The following TAFA1 variants were observed in gnomAD, a reference collection of about 807,000 sequenced individuals.
TAFA1 encodes TAFA chemokine like family member 1, also known as chemokine-like protein TAFA-1.
TAFA1 carries 4 observed loss-of-function variants against 18.5 expected under a neutral mutation model. The observed-to-expected ratio is 0.22, with a 90% CI of 0.11 to 0.49. The LOEUF (loss-of-function observed/expected upper bound fraction) is 0.49, where lower values mean the gene tolerates loss of function less well. Among genes scored for constraint, TAFA1 ranks in the 20% least tolerant of loss-of-function variants. TAFA1 has a pLI of 0.98. For synonymous variants in TAFA1, 56 were observed against 55.2 expected, an observed-to-expected ratio of 1.01 and a Z score of -0.06; for missense variants, 147 against 169.0, an observed-to-expected ratio of 0.87 and a Z score of 0.72.
intron 2 of TAFA1, among the ~76,000 whole-genome samples, chr3:68,288,220 G>A (rs965973378): frequency 6.6e-6 from 1 of 152,132 alleles, no homozygotes; most frequent in Non-Finnish European, 1.5e-5. Flanking sequence ...ATATGCTGCT[G>A]CTCACTCCGC....
At chr3:68,418,224 C>G (rs1575849422) in intron 3 of TAFA1, among the ~76,000 whole-genome samples, 1 of 151,800 alleles carries the variant, frequency 6.6e-6, no homozygotes. Context: ...GCAGGTGGGC[C>G]GAGTCCCAAA....
At chr3:68,047,970 G>A (rs1177656204) in intron 2 of TAFA1, among the ~76,000 whole-genome samples, 2 of 152,100 alleles carry the variant, frequency 1.3e-5, no homozygotes, top group Non-Finnish European at 2.9e-5. Flanking sequence ...GATGCTTACA[G>A]CTGCAGTAAC....
At chr3:68,289,156 C>T (rs879933868) in intron 2 of TAFA1, among the ~76,000 whole-genome samples, 2 of 152,166 alleles carry the variant, frequency 1.3e-5, no homozygotes, top group African/African-American at 4.8e-5. Flanking sequence ...TTATTAGTTT[C>T]TGCTTTTTAA....
At chr3:68,201,956 A>C (rs994209993) in intron 2 of TAFA1, among the ~76,000 whole-genome samples, 1 of 151,786 alleles carries the variant, frequency 6.6e-6, no homozygotes, top group African/African-American at 2.4e-5. Flanking sequence ...ACCCACTCTT[A>C]TGGGAAATCA....
chr3:68,296,854 G>A (rs1468194441), intron 2 of TAFA1, among the ~76,000 whole-genome samples: 4 of 152,142 alleles, frequency 2.6e-5, no homozygotes, highest in Middle Eastern at 3.2e-3. Context: ...ATAACCTAAT[G>A]GAAAAATTAA....
intron 2 of TAFA1, among the ~76,000 whole-genome samples, chr3:68,358,201 A>G (rs2106788130): frequency 6.6e-6 from 1 of 152,080 alleles, no homozygotes; most frequent in African/African-American, 2.4e-5. Context: ...GACTTTCTGT[A>G]TACATAATTT....
At chr3:68,394,036 A>G (rs756883323) in intron 2 of TAFA1, among the ~76,000 whole-genome samples, 35 of 150,234 alleles carry the variant, frequency 2.3e-4, no homozygotes, top group Non-Finnish European at 4.0e-4. Flanking sequence ...AGAGAAAGAA[A>G]TATGCATTTA....
intron 2 of TAFA1, among the ~76,000 whole-genome samples, chr3:68,123,815 A>C (rs574828945): frequency 1.4e-5 from 2 of 139,216 alleles, no homozygotes; most frequent in South Asian, 2.3e-4. Context: ...TTCTGTAACC[A>C]GATGCTCTAG....
intron 2 of TAFA1, among the ~76,000 whole-genome samples, chr3:68,069,688 A>G (rs973532357): frequency 2.0e-5 from 3 of 152,224 alleles, no homozygotes; most frequent in African/African-American, 7.2e-5. Context: ...CTGTAAAATC[A>G]AAAGCAAGTT....
chr3:68,259,137 T>A (rs1427820139), intron 2 of TAFA1, among the ~76,000 whole-genome samples: 1 of 152,190 alleles, frequency 6.6e-6, no homozygotes, highest in Admixed American at 6.5e-5. Flanking sequence ...GGTGCCACTG[T>A]GGGTCTTTGG....
At chr3:68,285,182 T>C (rs1257948426) in intron 2 of TAFA1, among the ~76,000 whole-genome samples, 1 of 152,202 alleles carries the variant, frequency 6.6e-6, no homozygotes, top group Non-Finnish European at 1.5e-5. Flanking sequence ...AAAAGAGTTA[T>C]ACTTTATAAG....
intron 2 of TAFA1, among the ~76,000 whole-genome samples, chr3:68,257,436 TC>T (rs2067320029): frequency 6.6e-6 from 1 of 150,846 alleles, no homozygotes; most frequent in South Asian, 2.1e-4. Context: ...ACGGTGTCCA[TC>T]TTTTTTTTTT....
rs193052234 is a variant in TAFA1, at chr3:68,327,630, C to T, written c.119-89650C>T. 3.8e-3 allele frequency among the ~76,000 whole-genome samples: 577 copies of T among 152,242 alleles called. 6 individuals are homozygous for T. Among genetic ancestry groups the T allele is most frequent in the African/African-American group, 9.2e-3 (384 of 41,544 alleles). ...GCTGAGAAGATTAGATGGGTCAATT[C>T]ATATAAATCCTTGGCTCAGTGCTGG... On this transcript the variant is annotated intron_variant, in intron 2 of 4. Transcript: ENST00000478136.
chr3:68,332,512 T>C (rs1251313873), intron 2 of TAFA1, among the ~76,000 whole-genome samples: 1 of 152,176 alleles, frequency 6.6e-6, no homozygotes, highest in Non-Finnish European at 1.5e-5. Flanking sequence ...AAACCATGTA[T>C]TGGACAAGGA....
At position 68,013,921 on chromosome 3, in the gene TAFA1, A is replaced by AG. The variant is rs542498976; in HGVS notation, c.118+7180dup. Among the ~76,000 whole-genome samples, 5 of 152,326 alleles carry AG rather than the reference A, an allele frequency of 3.3e-5. No individual in the cohort carries two copies. In the South Asian group the frequency reaches 8.3e-4, roughly 25 times the overall value. Reference sequence around the variant, plus strand: ...CATTAAGCAGATCTTTCTTTAACGCAGGGAAGGAGTCAAACCAAGTTGTTC... The same window carrying AG: ...CATTAAGCAGATCTTTCTTTAACGCAGGGGAAGGAGTCAAACCAAGTTGTTC... On this transcript the variant is annotated intron_variant, in intron 2 of 4. Coordinates refer to ENST00000478136, the MANE Select transcript of TAFA1 (RefSeq NM_213609.4).
intron 3 of TAFA1, among the ~76,000 whole-genome samples, chr3:68,425,028 AG>A (rs2071024932): frequency 6.6e-6 from 1 of 151,974 alleles, no homozygotes; most frequent in South Asian, 2.1e-4. Flanking sequence ...CTGGCTGGCC[AG>A]AGAGTACACA....
intron 2 of TAFA1, among the ~76,000 whole-genome samples, chr3:68,285,235 C>G (rs1480193083): frequency 6.6e-6 from 1 of 152,116 alleles, no homozygotes; most frequent in African/African-American, 2.4e-5. Context: ...CCAATCTATG[C>G]TGGTAGAAGT....
chr3:68,058,306 T>C (rs1032465069), intron 2 of TAFA1, among the ~76,000 whole-genome samples: 5 of 152,194 alleles, frequency 3.3e-5, no homozygotes, highest in African/African-American at 1.2e-4. Flanking sequence ...TTGAGCAAGA[T>C]AATTTAGAAA....
rs183642315 is a variant in TAFA1 at position 68,359,037 on chromosome 3, C to A, written c.119-58243C>A. On this transcript the variant is annotated intron_variant, in intron 2 of 4. Transcript: ENST00000478136. ...ACTATAACAAAATGTCTTTTCCTTG[C>A]ATGAATTTGTTTGACATCATAAGCT... is the stretch of plus-strand genomic sequence containing the variant. Among the ~76,000 whole-genome samples, 30 of 152,122 alleles carry A rather than the reference C, an allele frequency of 2.0e-4. No individual in the cohort carries two copies. The East Asian group carries it at 4.8e-3, about 25-fold the overall frequency.
Sources: gnomAD v4.1 joint callset for allele counts (sites outside exome capture counted in the v4.1 genomes callset) on GRCh38, gnomAD v4.1.1 for gene constraint, MANE v1.5 for transcripts, NCBI Gene and HGNC (gene_info 2026-07-23, HGNC 2026-07-21) for gene names.